Variants in TP73 observed in about 807,000 individuals in gnomAD.
TP73 encodes tumor protein p73.
In TP73, 25 loss-of-function variants were observed where a neutral mutation model predicts 62.5. The ratio of observed to expected loss-of-function variants is 0.40; its 90% CI spans 0.29 to 0.56. TP73 has a LOEUF of 0.56. Among genes scored for constraint, TP73 ranks in the 20% least tolerant of loss-of-function variants. TP73 has a pLI of 0.46. For missense variants in TP73, 754 were observed against 913.3 expected (o/e 0.83, Z 2.25); for synonymous variants, 423 against 377.5 (o/e 1.12, Z -1.40).
At chr1:3,728,508 C>A (rs1641860039) in intron 9 of TP73, among the ~76,000 whole-genome samples, 1 of 152,214 alleles carries the variant, frequency 6.6e-6, no homozygotes, top group Admixed American at 6.5e-5. Context: ...GGAGTGCCAC[C>A]AGGGTAGAAG....
chr1:3,687,383 T>C (rs3765721), intron 3 of TP73, among the ~76,000 whole-genome samples: 6,169 of 152,236 alleles, frequency 0.041, 415 homozygotes, highest in East Asian at 0.32. Flanking sequence ...TGGGAAGAGC[T>C]GCAGAGGATA....
intron 1 of TP73, among the ~76,000 whole-genome samples, chr1:3,658,244 G>A (rs1464390963): frequency 6.6e-6 from 1 of 152,220 alleles, no homozygotes; most frequent in Non-Finnish European, 1.5e-5. Context: ...ATTAAATCGG[G>A]TTCCCCAAAG....
chr1:3,715,978 C>T (rs71634361), intron 4 of TP73, among the ~76,000 whole-genome samples: 388 of 152,316 alleles, frequency 2.5e-3, no homozygotes, highest in Non-Finnish European at 4.0e-3. Flanking sequence ...GGGAGCCGCG[C>T]TTCCAGGCCG....
chr1:3,677,332 C>T (rs1315440816), intron 1 of TP73, among the ~76,000 whole-genome samples: 1 of 152,192 alleles, frequency 6.6e-6, no homozygotes, highest in Non-Finnish European at 1.5e-5. Context: ...CCTGCTCCCA[C>T]TGCTGTGGGC....
intron 1 of TP73, 78 bp from the exon 2 acceptor site, chr1:3,682,255 C>G: frequency 2.6e-6 from 3 of 1,152,556 alleles, no homozygotes; most frequent in Non-Finnish European, 3.4e-6. Context: ...ACTTGCCTGC[C>G]GCCCCCACCG....
chr1:3,731,594 G>A (rs1275562898), intron 13 of TP73, 38 bp downstream of exon 13: 1 of 1,591,550 alleles, frequency 6.3e-7, no homozygotes, highest in Admixed American at 1.7e-5. Flanking sequence ...AGAGGCAGTA[G>A]CTGGAGGGGC....
rs770017801 is a variant in TP73, at chr1:3,683,118, G to T, written c.124G>T (p.Val42Leu). The change falls in exon 3 of 14, where the codon GTG (valine) becomes TTG (leucine). Residue 42 changes from valine to leucine, a missense_variant. Coordinates refer to ENST00000378295, the MANE Select transcript of TP73 (RefSeq NM_005427.4). ...PQSSRGNNEVVGGTDSSMDVF... is the reference protein window; with the variant it reads ...PQSSRGNNEVLGGTDSSMDVF... ...GTCAAGCCGGGGGAATAATGAGGTG[G>T]TGGGCGGAACGGATTCCAGCATGGA... The T allele has an allele frequency of 6.2e-7, 1 of 1,612,654 alleles. No homozygotes were observed. The highest frequency in any genetic ancestry group is 2.2e-5 in the East Asian group (1 of 44,852).
At chr1:3,730,233 G>T in intron 11 of TP73, 85 bp downstream of exon 11, 1 of 1,365,118 alleles carries the variant, frequency 7.3e-7, no homozygotes, top group Non-Finnish European at 9.6e-7. Flanking sequence ...CACCCAGCTC[G>T]GGACCCAGGG....
In TP73 at chr1:3,722,056, C is replaced by A. The variant is rs775948386; in HGVS notation, c.465C>A (p.Ile155=). The change falls in exon 5 of 14, where the codon ATC becomes ATA. Residue 155 remains isoleucine, a synonymous_variant. Transcript: ENST00000378295. ...TCTTGAAGAAACTCTACTGCCAGAT[C>A]GCCAAGACATGCCCCATCCAGATCA... ...SPLLKKLYCQ[I]AKTCPIQIKV... 2 of 1,611,324 alleles carry A rather than the reference C, an allele frequency of 1.2e-6. No homozygotes were observed. The highest frequency in any genetic ancestry group is 2.2e-5 in the South Asian group (2 of 90,966).
Position 3,696,426 on chromosome 1 carries a change from G to A in TP73, c.187-11123G>A, listed in dbSNP as rs75570660. Reference sequence around the variant, plus strand: ...GTGTGGGCAGGCAGGCTGTGGAGACGACCTCTAGGGAGTCCTGCACATGGG... The same window carrying A: ...GTGTGGGCAGGCAGGCTGTGGAGACAACCTCTAGGGAGTCCTGCACATGGG... On this transcript the variant is annotated intron_variant, in intron 3 of 13. Transcript: ENST00000378295. The surrounding 1 kb of genome is among the most constrained non-coding windows in gnomAD (Gnocchi z 4.1). Among the ~76,000 whole-genome samples the A allele has an allele frequency of 7.0e-3, 1,064 of 152,050 alleles. 11 individuals carry two copies. Among genetic ancestry groups the A allele is most frequent in the African/African-American group, 0.024 (1,003 of 41,454 alleles).
chr1:3,672,004 C>T lies in TP73; in HGVS notation c.-33-10329C>T, dbSNP rs927111032. Among the ~76,000 whole-genome samples the T allele has an allele frequency of 1.2e-4, 19 of 152,230 alleles. No individual in the cohort carries two copies. Among genetic ancestry groups the T allele is most frequent in the Middle Eastern group, 3.4e-3 (1 of 294 alleles). ...TGAGTCAGGGCGGGACTCAGAGGGA[C>T]GCATGACAAGTTCAGGGAGTTGACA... On this transcript the variant is annotated intron_variant, in intron 1 of 13. Coordinates refer to ENST00000378295, the MANE Select transcript of TP73 (RefSeq NM_005427.4). This position sits in a 1 kb window ranked among gnomAD's most constrained non-coding sequence, Gnocchi z 5.3.
rs557549784 is a variant in TP73 at position 3,659,042 on chromosome 1, T to C, written c.-34+6401T>C. On this transcript the variant is annotated intron_variant, in intron 1 of 13. Transcript: ENST00000378295. ...GGTGGCGTATTCTGGTCTCCTACAG[T>C]CATACTTTGGGGTGATGTGTCCTGA... 5 of 152,312 alleles carry C rather than the reference T, an allele frequency of 3.3e-5. No homozygotes were observed. The East Asian group carries it at 7.7e-4, about 24-fold the overall frequency. 9.4% of individuals were successfully genotyped at this position (152,312 alleles called of 1,614,324 possible). A position where few individuals can be genotyped will look rare whatever the true frequency, so the allele number is the denominator to read the frequency against.
intron 3 of TP73, among the ~76,000 whole-genome samples, chr1:3,703,372 G>A (rs1639373470): frequency 1.3e-5 from 2 of 152,162 alleles, no homozygotes; most frequent in South Asian, 2.1e-4. Context: ...GGCCGACATC[G>A]GGGCCCTGCC....
Position 3,728,235 on chromosome 1 carries a change from C to T in TP73, c.1074+18C>T. 1 of 1,608,188 alleles carries T rather than the reference C, an allele frequency of 6.2e-7. No homozygotes were observed. The stretch of plus-strand genomic sequence containing the variant: ...ACCTTCAGGTGAGTGTGTGCTCCTG[C>T]ACGGCAGCCGGGAGACCTGCCTCAC... On this transcript the variant is annotated intron_variant, in intron 9 of 13. Transcript: ENST00000378295.
In TP73 at chr1:3,730,999, A is replaced by T; in HGVS notation, c.1418A>T (p.Gln473Leu). ...NGEMSSSHSAQSMVSGSHCTP... is the reference protein window; with the variant it reads ...NGEMSSSHSALSMVSGSHCTP... ...GAGATGAGCAGCAGCCACAGCGCCC[A>T]GTCCATGGTCTCGGGGTCCCACTGC... is the stretch of plus-strand genomic sequence containing the variant. The change falls in exon 12 of 14, where the codon CAG (glutamine) becomes CTG (leucine). Residue 473 changes from glutamine to leucine, a missense_variant. Transcript: ENST00000378295. The T allele has an allele frequency of 6.2e-7, 1 of 1,612,460 alleles. No homozygotes were observed. The highest frequency in any genetic ancestry group is 8.5e-7 in the Non-Finnish European group (1 of 1,179,804).
At chr1:3,691,013 T>C in intron 3 of TP73, 3 of 1,546,230 alleles carry the variant, frequency 1.9e-6, no homozygotes, top group Non-Finnish European at 2.6e-6. Context: ...CAGTGTAGGG[T>C]TCAGAGGGGC....
rs1419757929 is a variant in TP73 at position 3,734,282 on chromosome 1, CAG to C, written c.*1206_*1207del. Reference sequence around the variant, plus strand: ...AGGGAGTTAGTAGGCCCCGGGGAGACAGAGTCTGCACAGGCCCTTTCTGGGGC... The same window carrying C: ...AGGGAGTTAGTAGGCCCCGGGGAGACAGTCTGCACAGGCCCTTTCTGGGGC... On this transcript the variant is annotated 3_prime_UTR_variant, in exon 14 of 14. Transcript: ENST00000378295. This position sits in a 1 kb window ranked among gnomAD's most constrained non-coding sequence, Gnocchi z 4.4. 1 of 152,210 alleles carries C rather than the reference CAG, an allele frequency of 6.6e-6. No individual in the cohort carries two copies. The highest frequency in any genetic ancestry group is 1.5e-5 in the Non-Finnish European group (1 of 68,104). The allele number at this position is 152,210 out of a possible 1,614,324, so 9.4% of individuals were successfully genotyped here.
At chr1:3,677,350 G>C (rs556242699) in intron 1 of TP73, among the ~76,000 whole-genome samples, 2 of 152,308 alleles carry the variant, frequency 1.3e-5, no homozygotes, top group Non-Finnish European at 2.9e-5. Flanking sequence ...GGCACTGTAG[G>C]ACTTGGAACG....
chr1:3,696,402 T>C lies in TP73; in HGVS notation c.187-11147T>C, dbSNP rs1403457129. Among the ~76,000 whole-genome samples, 1 of 151,390 alleles carries C rather than the reference T, an allele frequency of 6.6e-6. No individual in the cohort carries two copies. Among genetic ancestry groups the C allele is most frequent in the Non-Finnish European group, 1.5e-5 (1 of 67,860 alleles). Reference sequence around the variant, plus strand: ...GGCCATGTGGACACTCAGTTGCTGGTGTGGGCAGGCAGGCTGTGGAGACGA... The same window carrying C: ...GGCCATGTGGACACTCAGTTGCTGGCGTGGGCAGGCAGGCTGTGGAGACGA... On this transcript the variant is annotated intron_variant, in intron 3 of 13. Transcript: ENST00000378295. The surrounding 1 kb of genome is among the most constrained non-coding windows in gnomAD (Gnocchi z 4.1).
Sources: gnomAD v4.1 joint callset for allele counts (sites outside exome capture counted in the v4.1 genomes callset) on GRCh38, gnomAD v4.1.1 for gene constraint, Gnocchi (gnomAD v3.1) non-coding constraint, MANE v1.5 for transcripts, NCBI Gene and HGNC (gene_info 2026-07-23, HGNC 2026-07-21) for gene names.